PCDHGA7: variants seen among roughly 807,000 people sequenced by gnomAD.
PCDHGA7 encodes protocadherin gamma-A7.
A neutral mutation model predicts 58.3 loss-of-function variants in PCDHGA7; 44 were observed. That is an observed-to-expected ratio of 0.75 (90% confidence interval 0.59 to 0.97). PCDHGA7 has a LOEUF of 0.97. Ranked by LOEUF, PCDHGA7 falls within the 50% of genes least tolerant of loss-of-function variation. The pLI is 0.00. For missense variants in PCDHGA7, 1,266 were observed against 1,188.7 expected, an observed-to-expected ratio of 1.06 and a Z score of -0.96; for synonymous variants, 516 against 504.2, an observed-to-expected ratio of 1.02 and a Z score of -0.31.
chr5:141,383,600 A>G lies in PCDHGA7; in HGVS notation c.701A>G (p.Asp234Gly), dbSNP rs1429825116. The G allele has an allele frequency of 1.2e-6, 2 of 1,613,728 alleles. No individual in the cohort carries two copies. Among genetic ancestry groups the G allele is most frequent in the South Asian group, 2.2e-5 (2 of 91,078 alleles). Residue 234 changes from aspartate to glycine, a missense_variant, in exon 1 of 4, where the codon GAT becomes GGT. Transcript: ENST00000518325. Reference sequence around the variant, plus strand: ...GCCCACATCCAGGTGACAGTGGTGGATGTGAATGACCACACGCCTGTCTTC... The same window carrying G: ...GCCCACATCCAGGTGACAGTGGTGGGTGTGAATGACCACACGCCTGTCTTC... Reference protein sequence around the residue: ...STAHIQVTVVDVNDHTPVFSL... With the variant: ...STAHIQVTVVGVNDHTPVFSL...
intron 3 of PCDHGA7, among the ~76,000 whole-genome samples, chr5:141,506,011 C>T (rs1209221520): frequency 6.6e-6 from 1 of 152,204 alleles, no homozygotes; most frequent in Non-Finnish European, 1.5e-5. Flanking sequence ...TCCTCTTTTG[C>T]TGCCCCTAAC....
intron 1 of PCDHGA7, chr5:141,410,268 A>C: frequency 6.2e-7 from 1 of 1,613,994 alleles, no homozygotes. Context: ...GCTGAACTGC[A>C]GTTTTACCTG....
rs551396089 is a variant in PCDHGA7, at chr5:141,423,798, A to T, written c.2424+38475A>T. On this transcript the variant is annotated intron_variant, in intron 1 of 3. Coordinates refer to ENST00000518325, the MANE Select transcript of PCDHGA7 (RefSeq NM_018920.4). ...TATTTAGTTCATATATATTTAGAGC[A>T]ATACATGTGAGTTTTACTTTGCCTT... is the stretch of plus-strand genomic sequence containing the variant. 3.3e-6 allele frequency: 4 copies of T among 1,222,280 alleles called. No homozygotes were observed. The South Asian group carries it at 1.1e-4, about 33-fold the overall frequency. 75.7% of individuals were successfully genotyped at this position (1,222,280 alleles called of 1,614,324 possible). A position where few individuals can be genotyped will look rare whatever the true frequency, so the allele number is the denominator to read the frequency against.
At chr5:141,421,827 C>A in intron 1 of PCDHGA7, 1 of 1,613,802 alleles carries the variant, frequency 6.2e-7, no homozygotes, top group Non-Finnish European at 8.5e-7. Flanking sequence ...TGGAGGGAAG[C>A]CTGGACCGAG....
chr5:141,487,459 T>A lies in PCDHGA7; in HGVS notation c.2425-7348T>A. The A allele has an allele frequency of 1.2e-6, 2 of 1,614,102 alleles. No homozygotes were observed. Among genetic ancestry groups the A allele is most frequent in the Non-Finnish European group, 1.7e-6 (2 of 1,180,008 alleles). On this transcript the variant is annotated intron_variant, in intron 1 of 3. Transcript: ENST00000518325. The surrounding 1 kb of genome is among the most constrained non-coding windows in gnomAD (Gnocchi z 5.0). ...TAGGGTCAGATGACCCTATCAAGTT[T>A]GTTGATGTGGGAGGCCACTCTCATG...
intron 1 of PCDHGA7, chr5:141,390,018 C>A: frequency 2.5e-6 from 4 of 1,614,062 alleles, no homozygotes; most frequent in Non-Finnish European, 3.4e-6. Context: ...CATTGCCTTG[C>A]GCCTGCGACG....
At chr5:141,505,127 A>C (rs926566427) in intron 2 of PCDHGA7, among the ~76,000 whole-genome samples, 1 of 152,158 alleles carries the variant, frequency 6.6e-6, no homozygotes, top group Non-Finnish European at 1.5e-5. Context: ...GCGCCACTGC[A>C]CTCCAGCCTG....
At chr5:141,410,688 A>G in intron 1 of PCDHGA7, 1 of 1,519,164 alleles carries the variant, frequency 6.6e-7, no homozygotes, top group South Asian at 1.3e-5. Flanking sequence ...TAGGCATACT[A>G]CTTTATTTTC....
chr5:141,415,740 GTTTTTTTTTTTTTT>G (rs57426385), intron 1 of PCDHGA7: 52 of 625,016 alleles, frequency 8.3e-5, no homozygotes, highest in East Asian at 4.1e-4. Context: ...GTTTATTAAG[GTTTTTTTTTTTTTT>G]TTTTTTTTTT....
intron 1 of PCDHGA7, chr5:141,392,652 A>T: frequency 1.4e-6 from 1 of 713,126 alleles, no homozygotes; most frequent in South Asian, 2.2e-5. Flanking sequence ...GAAGACCCGC[A>T]GATGCCACAA....
rs745716373 is a variant in PCDHGA7, at chr5:141,383,166, G to A, written c.267G>A (p.Arg89=). 10 of 1,614,130 alleles carry A rather than the reference G, an allele frequency of 6.2e-6. No individual in the cohort carries two copies. In the Admixed American group the frequency reaches 1.3e-4, roughly 22 times the overall value. The change falls in exon 1 of 4, where the codon AGG becomes AGA. Residue 89 remains arginine, a synonymous_variant. Coordinates refer to ENST00000518325, the MANE Select transcript of PCDHGA7 (RefSeq NM_018920.4). ...GCGGCAGCTTGGTCACTGCGGGCAG[G>A]ATAGACCGGGAAGAGATCTGCGCTC... ...QRSGSLVTAG[R]IDREEICAQS... is the part of the protein sequence containing the mutation.
Position 141,383,006 on chromosome 5 carries a change from C to A in PCDHGA7, c.107C>A (p.Ser36Ter), listed in dbSNP as rs751850819. Residue 36 changes from serine (S) to a stop codon, truncating the protein, a stop_gained, in exon 1 of 4, where the codon TCG becomes TAG. Transcript: ENST00000518325. LOFTEE classifies it high-confidence loss of function. ...GCAGGACGTATTCTCTACTCCGTGT[C>A]GGAGGAGACGGACAAAGGGTCCTTT... The part of the protein sequence containing the change: ...AWAGRILYSV[S>*]EETDKGSFVG... 3 of 1,613,640 alleles carry A rather than the reference C, an allele frequency of 1.9e-6. No individual in the cohort carries two copies. The highest frequency in any genetic ancestry group is 2.5e-6 in the Non-Finnish European group (3 of 1,179,882).
In PCDHGA7 at chr5:141,393,272, A is replaced by C. The variant is rs781226042; in HGVS notation, c.2424+7949A>C. The stretch of plus-strand genomic sequence containing the variant: ...TCGCGGTTCCTGGAGCACGTTATCC[A>C]CTCCCAGAAGCTGTTGACCCGGATG... On this transcript the variant is annotated intron_variant, in intron 1 of 3. Coordinates refer to ENST00000518325, the MANE Select transcript of PCDHGA7 (RefSeq NM_018920.4). The C allele has an allele frequency of 2.5e-6, 4 of 1,613,774 alleles. No homozygotes were observed. The Admixed American group carries it at 6.7e-5, about 27-fold the overall frequency.
At chr5:141,419,762 AAGGACTCG>A (rs1468964539) in intron 1 of PCDHGA7, 2 of 1,614,008 alleles carry the variant, frequency 1.2e-6, no homozygotes, top group South Asian at 2.2e-5. Context: ...TTTGGGTGAC[AAGGACTCG>A]GTCCGCCAGC....
chr5:141,384,656 A>G lies in PCDHGA7; in HGVS notation c.1757A>G (p.Tyr586Cys). The G allele has an allele frequency of 6.2e-7, 1 of 1,614,192 alleles. No homozygotes were observed. The highest frequency in any genetic ancestry group is 8.5e-7 in the Non-Finnish European group (1 of 1,180,034). ...GCACCCCGCTCCGCAGAGCCCGGCTACCTGGTGACCAAGGTGGTGGCGGTG... is the reference window on the plus strand; with the variant it reads ...GCACCCCGCTCCGCAGAGCCCGGCTGCCTGGTGACCAAGGTGGTGGCGGTG... ...ELAPRSAEPG[Y>C]LVTKVVAVDK... is the part of the protein sequence containing the mutation. The change falls in exon 1 of 4, where the codon TAC becomes TGC. Residue 586 changes from tyrosine to cysteine, a missense_variant. Coordinates refer to ENST00000518325, the MANE Select transcript of PCDHGA7 (RefSeq NM_018920.4).
intron 1 of PCDHGA7, among the ~76,000 whole-genome samples, chr5:141,459,691 C>T (rs754899227): frequency 3.9e-5 from 6 of 152,158 alleles, no homozygotes; most frequent in East Asian, 1.9e-4. Flanking sequence ...TAAAGCGTTC[C>T]GCTTGCTACA....
At position 141,384,078 on chromosome 5, in the gene PCDHGA7, A is replaced by G; in HGVS notation, c.1179A>G (p.Lys393=). The G allele has an allele frequency of 6.3e-7, 1 of 1,598,728 alleles. No individual in the cohort carries two copies. ...CCATTCCAGAAAACCTACCTTTTAA[A>G]TTAGAAAAATCAATAGATAATTATT... ...TCTIPENLPF[K]LEKSIDNYYR... is the part of the protein sequence containing the mutation. Residue 393 remains lysine, a synonymous_variant, in exon 1 of 4, where the codon AAA becomes AAG. Coordinates refer to ENST00000518325, the MANE Select transcript of PCDHGA7 (RefSeq NM_018920.4).
At chr5:141,403,452 T>C (rs1482278011) in intron 1 of PCDHGA7, 15 of 1,613,988 alleles carry the variant, frequency 9.3e-6, no homozygotes, top group Non-Finnish European at 1.3e-5. Flanking sequence ...GTGAACTCCC[T>C]CCAGAGCTAC....
intron 1 of PCDHGA7, chr5:141,389,409 A>G: frequency 6.2e-7 from 1 of 1,613,590 alleles, no homozygotes; most frequent in Admixed American, 1.7e-5. Context: ...AAGCGCGGAG[A>G]GCGGGGTGGT....
Sources: allele counts gnomAD v4.1 joint callset (sites outside exome capture counted in the v4.1 genomes callset), GRCh38; gene constraint gnomAD v4.1.1; non-coding constraint Gnocchi (gnomAD v3.1); transcripts MANE v1.5; gene names NCBI Gene and HGNC (gene_info 2026-07-23, HGNC 2026-07-21).